The following LRP8 variants were observed in gnomAD, a reference collection of about 807,000 sequenced individuals.
The protein encoded by LRP8 is LDL receptor related protein 8.
A neutral mutation model predicts 111.6 loss-of-function variants in LRP8; 46 were observed. The observed-to-expected ratio is 0.41, with a 90% CI of 0.33 to 0.53. The LOEUF (loss-of-function observed/expected upper bound fraction) is 0.53, where lower values mean the gene tolerates loss of function less well. Ranked by LOEUF, LRP8 falls within the 20% of genes least tolerant of loss-of-function variation. LRP8 has a pLI of 0.20. For missense variants in LRP8, 959 were observed against 1,297.4 expected (o/e 0.74, Z 4.01); for synonymous variants, 464 against 511.2 (o/e 0.91, Z 1.24).
chr1:53,312,391 G>A (rs112187604), intron 2 of LRP8, among the ~76,000 whole-genome samples: 1 of 152,184 alleles, frequency 6.6e-6, no homozygotes, highest in Non-Finnish European at 1.5e-5. Flanking sequence ...TTGAGACAGG[G>A]TCTGGCTTCC....
chr1:53,327,531 C>G (rs1655312398), intron 1 of LRP8: 1 of 415,958 alleles, frequency 2.4e-6, no homozygotes, highest in South Asian at 7.0e-5. Context: ...GCCCCTCCGG[C>G]AAAGTTCCCC....
chr1:53,316,163 C>G (rs1426694268), intron 2 of LRP8, among the ~76,000 whole-genome samples: 1 of 152,178 alleles, frequency 6.6e-6, no homozygotes, highest in Non-Finnish European at 1.5e-5. Context: ...GAGCGGGAGT[C>G]TGGGGTTCCA....
rs117086672 is a variant in LRP8 at position 53,316,318 on chromosome 1, G to A, written c.244+10555C>T. 8.8e-4 allele frequency among the ~76,000 whole-genome samples: 134 copies of A among 152,138 alleles called. 3 individuals carry two copies. The East Asian group carries it at 0.019, about 21-fold the overall frequency. ...AGGCAGTAGAGGCAGGCTGGGAATGGGGAGGGGAGGGAGACAAAAGAGTGT... is the reference window on the plus strand; with the variant it reads ...AGGCAGTAGAGGCAGGCTGGGAATGAGGAGGGGAGGGAGACAAAAGAGTGT... On this transcript the variant is annotated intron_variant, in intron 2 of 18. Coordinates refer to ENST00000306052, the MANE Select transcript of LRP8 (RefSeq NM_004631.5).
rs1645843021 is a variant in LRP8, at chr1:53,249,930, A to G, written c.2677-374T>C. ...CATCAGGAAAACAGATTAATCAGAC[A>G]GTTCTGCCCTCAAGGATCTTATGGG... On this transcript the variant is annotated intron_variant, in intron 17 of 18. Transcript: ENST00000306052. This position sits in a 1 kb window ranked among gnomAD's most constrained non-coding sequence, Gnocchi z 4.1. Among the ~76,000 whole-genome samples the G allele has an allele frequency of 2.0e-5, 3 of 152,214 alleles. No individual in the cohort carries two copies.
intron 2 of LRP8, among the ~76,000 whole-genome samples, chr1:53,325,285 G>A (rs1478442191): frequency 6.6e-6 from 1 of 152,238 alleles, no homozygotes; most frequent in East Asian, 1.9e-4. Context: ...CTGCTAAGCA[G>A]GTAACTTCAC....
At chr1:53,308,817 T>C (rs997272007) in intron 2 of LRP8, among the ~76,000 whole-genome samples, 3 of 152,224 alleles carry the variant, frequency 2.0e-5, no homozygotes, top group Non-Finnish European at 4.4e-5. Flanking sequence ...ATCCCTTGCC[T>C]GGTGCACTGG....
At chr1:53,319,563 G>C (rs956627190) in intron 2 of LRP8, among the ~76,000 whole-genome samples, 1 of 152,208 alleles carries the variant, frequency 6.6e-6, no homozygotes, top group East Asian at 1.9e-4. Flanking sequence ...TCCCATTGTG[G>C]GTACCTAGGC....
chr1:53,299,628 C>A (rs2100491837), intron 2 of LRP8, among the ~76,000 whole-genome samples: 1 of 152,294 alleles, frequency 6.6e-6, no homozygotes, highest in East Asian at 1.9e-4. Flanking sequence ...CCTGTGCCCA[C>A]CTGTGTGCCC....
intron 13 of LRP8, among the ~76,000 whole-genome samples, chr1:53,258,730 C>A (rs904594622): frequency 6.7e-6 from 1 of 150,354 alleles, no homozygotes; most frequent in Non-Finnish European, 1.5e-5. Flanking sequence ...GTACATTGTA[C>A]CTAATGTGTA....
chr1:53,276,585 A>C, intron 5 of LRP8, 107 bp downstream of exon 5: 3 of 838,542 alleles, frequency 3.6e-6, no homozygotes, highest in Non-Finnish European at 3.3e-6. Flanking sequence ...AAACCCGGGT[A>C]ATGTATTCAG....
At chr1:53,290,294 T>TTCCTCC (rs146311099) in intron 2 of LRP8, among the ~76,000 whole-genome samples, 35 of 151,010 alleles carry the variant, frequency 2.3e-4, no homozygotes, top group African/African-American at 3.9e-4. Flanking sequence ...TCAATCCCAC[T>TTCCTCC]TCCTCCTCCT....
chr1:53,301,802 A>G (rs7529821), intron 2 of LRP8, among the ~76,000 whole-genome samples: 1 of 151,776 alleles, frequency 6.6e-6, no homozygotes, highest in Non-Finnish European at 1.5e-5. Flanking sequence ...AGGTTGTTTC[A>G]TCCCGAATGC....
rs1028551874 is a variant in LRP8 at position 53,249,896 on chromosome 1, C to T, written c.2677-340G>A. On this transcript the variant is annotated intron_variant, in intron 17 of 18. Transcript: ENST00000306052. This position sits in a 1 kb window ranked among gnomAD's most constrained non-coding sequence, Gnocchi z 4.1. ...AATATTTGTTGGGAGTCAGCCATGC[C>T]GTGCTAGGCATCAGGAAAACAGATT... 3.3e-5 allele frequency among the ~76,000 whole-genome samples: 5 copies of T among 152,144 alleles called. No homozygotes were observed. Among genetic ancestry groups the T allele is most frequent in the African/African-American group, 4.8e-5 (2 of 41,414 alleles).
At chr1:53,326,815 G>A in intron 2 of LRP8, 58 bp downstream of exon 2, 2 of 1,559,886 alleles carry the variant, frequency 1.3e-6, no homozygotes, top group South Asian at 1.2e-5. Flanking sequence ...GCCAAGCATG[G>A]TGCCCCCCAC....
At chr1:53,311,130 G>A (rs1652911752) in intron 2 of LRP8, among the ~76,000 whole-genome samples, 2 of 152,076 alleles carry the variant, frequency 1.3e-5, no homozygotes, top group South Asian at 4.1e-4. Context: ...CCGGTATCCC[G>A]GGGGCCTCCC....
intron 2 of LRP8, among the ~76,000 whole-genome samples, chr1:53,309,148 G>A (rs1001447027): frequency 5.9e-5 from 9 of 152,162 alleles, no homozygotes; most frequent in Non-Finnish European, 1.0e-4. Flanking sequence ...GGTCGCAGGC[G>A]CCTGTAATGC....
intron 13 of LRP8, among the ~76,000 whole-genome samples, chr1:53,259,450 C>G (rs1161924387): frequency 1.3e-5 from 2 of 151,982 alleles, no homozygotes; most frequent in Non-Finnish European, 2.9e-5. Context: ...AGCACCATAC[C>G]TAGTGTTTTA....
chr1:53,315,742 C>CACAGGAGGAAAG (rs1653710663), intron 2 of LRP8, among the ~76,000 whole-genome samples: 5 of 152,234 alleles, frequency 3.3e-5, no homozygotes, highest in African/African-American at 4.8e-5. Flanking sequence ...ACACAAACCA[C>CACAGGAGGAAAG]TGATCTAATC....
At chr1:53,326,695 C>T (rs1655173666) in intron 2 of LRP8, among the ~76,000 whole-genome samples, 178 bp downstream of exon 2, 2 of 152,222 alleles carry the variant, frequency 1.3e-5, no homozygotes, top group South Asian at 4.1e-4. Flanking sequence ...CTCCGGGTCG[C>T]TAAGAGCCAC....
Sources: allele counts gnomAD v4.1 joint callset (sites outside exome capture counted in the v4.1 genomes callset), GRCh38; gene constraint gnomAD v4.1.1; non-coding constraint Gnocchi (gnomAD v3.1); transcripts MANE v1.5; gene names NCBI Gene and HGNC (gene_info 2026-07-23, HGNC 2026-07-21).